NDUFAF6: variants seen among roughly 807,000 people sequenced by gnomAD.
NDUFAF6 encodes the protein NADH dehydrogenase (ubiquinone) complex I, assembly factor 6.
In NDUFAF6, 45 loss-of-function variants were observed where a neutral mutation model predicts 40.8. The observed-to-expected ratio is 1.10, with a 90% CI of 0.87 to 1.42. NDUFAF6 has a LOEUF of 1.42. Ranked by LOEUF, NDUFAF6 falls within the 40% of genes most tolerant of loss-of-function variation. The pLI, the probability that NDUFAF6 is intolerant of heterozygous loss-of-function variation, is 0.00. For synonymous variants in NDUFAF6, 185 were observed against 155.9 expected (o/e 1.19, Z -1.39); for missense variants, 435 against 418.5 (o/e 1.04, Z -0.34).
intron 2 of NDUFAF6, among the ~76,000 whole-genome samples, chr8:95,081,776 G>T (rs745532616): frequency 6.6e-6 from 1 of 152,194 alleles, no homozygotes; most frequent in Non-Finnish European, 1.5e-5. Flanking sequence ...AAGAACTCCT[G>T]TTGGGCCGGG....
At chr8:95,053,814 G>C (rs866670744) in intron 8 of NDUFAF6, among the ~76,000 whole-genome samples, 1 of 150,862 alleles carries the variant, frequency 6.6e-6, no homozygotes, top group South Asian at 2.1e-4. Context: ...TTTTAGTAGA[G>C]ACAGGTTTTG....
In NDUFAF6 at chr8:95,032,073, C is replaced by T; in HGVS notation, c.276C>T (p.Ala92=). ...GAAGCTCTGTTTTTGCACTGAGGGC[C>T]TTTAATGTGGAACTGGCTCAGGCTG... ...ESRSSVFALR[A]FNVELAQVKD... is the part of the protein sequence containing the mutation. Residue 92 remains alanine, a synonymous_variant, in exon 2 of 9, where the codon GCC becomes GCT. Coordinates refer to ENST00000396124, the MANE Select transcript of NDUFAF6 (RefSeq NM_152416.4). 6.2e-7 allele frequency: 1 copy of T among 1,614,070 alleles called. No individual in the cohort carries two copies. The highest frequency in any genetic ancestry group is 1.7e-5 in the Admixed American group (1 of 60,020).
intron 2 of NDUFAF6, among the ~76,000 whole-genome samples, chr8:94,993,252 AT>A (rs1277725130): frequency 1.3e-5 from 2 of 152,142 alleles, no homozygotes; most frequent in Admixed American, 1.3e-4. Flanking sequence ...TTTTAACCTA[AT>A]TACCTCTTCA....
intron 2 of NDUFAF6, among the ~76,000 whole-genome samples, chr8:94,985,324 A>G (rs752666137): frequency 6.6e-6 from 1 of 151,040 alleles, no homozygotes; most frequent in Non-Finnish European, 1.5e-5. Flanking sequence ...TGATGACATC[A>G]TTATGCCACT....
chr8:94,949,140 C>G (rs949121356), intron 2 of NDUFAF6: 9 of 149,188 alleles, frequency 6.0e-5, no homozygotes, highest in East Asian at 1.9e-4. Context: ...CGCCCGCCCC[C>G]CCCCGGCACT....
chr8:94,954,023 T>A (rs1433025024), upstream of NDUFAF6, among the ~76,000 whole-genome samples: 5 of 152,300 alleles, frequency 3.3e-5, no homozygotes, highest in East Asian at 9.6e-4. Flanking sequence ...TAGGCATTTA[T>A]TTCTCTTAAA....
rs1464032704 is a variant in NDUFAF6, at chr8:94,945,050, TATC to T, written c.-935-429_-935-427del. 2.0e-5 allele frequency among the ~76,000 whole-genome samples: 3 copies of T among 152,370 alleles called. No homozygotes were observed. In the East Asian group the frequency reaches 5.8e-4, roughly 29 times the overall value. The stretch of plus-strand genomic sequence containing the variant: ...ACATGAACACTTGAAATGTGACTAG[TATC>T]ATCGAGAAACTGCATTTTTCATTTT... On this transcript the variant is annotated intron_variant, in intron 1 of 14. Coordinates refer to the NDUFAF6 transcript ENST00000396113.
chr8:95,098,299 G>A (rs779341944), upstream of NDUFAF6, among the ~76,000 whole-genome samples: 2 of 152,206 alleles, frequency 1.3e-5, no homozygotes, highest in South Asian at 2.1e-4. Flanking sequence ...TTGGGAGGCC[G>A]AGGTGGGTGG....
chr8:95,011,443 T>C (rs1225093777), intron 2 of NDUFAF6, among the ~76,000 whole-genome samples: 1 of 152,172 alleles, frequency 6.6e-6, no homozygotes, highest in East Asian at 1.9e-4. Context: ...TCTGATAAAA[T>C]GGTTGTGGGA....
intron 1 of NDUFAF6, among the ~76,000 whole-genome samples, chr8:94,969,808 GA>G (rs955644765): frequency 1.3e-5 from 2 of 151,928 alleles, no homozygotes; most frequent in Non-Finnish European, 2.9e-5. Flanking sequence ...CTTTACAATG[GA>G]AAAAAACTCA....
downstream of NDUFAF6, among the ~76,000 whole-genome samples, chr8:95,118,479 A>G: frequency 6.6e-6 from 1 of 152,114 alleles, no homozygotes; most frequent in East Asian, 1.9e-4. Flanking sequence ...TGAGAAATAA[A>G]TTTTATGTGT....
intron 2 of NDUFAF6, among the ~76,000 whole-genome samples, chr8:94,985,467 T>TTTTATATATATATATA (rs1158887739): frequency 7.0e-5 from 2 of 28,598 alleles, no homozygotes; most frequent in Admixed American, 7.1e-4. Context: ...AAAACAATAA[T>TTTTATATATATATATA]TATATATATA....
chr8:94,985,947 C>T (rs1351760220), intron 2 of NDUFAF6, among the ~76,000 whole-genome samples: 1 of 151,058 alleles, frequency 6.6e-6, no homozygotes, highest in Non-Finnish European at 1.5e-5. Context: ...GATCTCGGCT[C>T]ACTGCAAGCT....
intron 2 of NDUFAF6, chr8:94,988,914 G>A (rs1236776597): frequency 6.6e-6 from 1 of 152,236 alleles, no homozygotes; most frequent in Non-Finnish European, 1.5e-5. Flanking sequence ...ATTATGCTAA[G>A]TGAAAGAAGC....
chr8:95,032,068 A>T lies in NDUFAF6; in HGVS notation c.271A>T (p.Arg91Trp). 6.2e-7 allele frequency: 1 copy of T among 1,614,154 alleles called. No homozygotes were observed. Among genetic ancestry groups the T allele is most frequent in the Non-Finnish European group, 8.5e-7 (1 of 1,180,014 alleles). Residue 91 changes from arginine (R) to tryptophan (W), a missense_variant, in exon 2 of 9, where the codon AGG becomes TGG. Physicochemically the swap from Arg to Trp is moderately radical, Grantham distance 101. Transcript: ENST00000396124. ...AESRSSVFAL[R>W]AFNVELAQVK... Reference sequence around the variant, plus strand: ...ATCCCGAAGCTCTGTTTTTGCACTGAGGGCCTTTAATGTGGAACTGGCTCA... The same window carrying T: ...ATCCCGAAGCTCTGTTTTTGCACTGTGGGCCTTTAATGTGGAACTGGCTCA...
chr8:95,001,546 A>G (rs115653541), intron 2 of NDUFAF6, among the ~76,000 whole-genome samples: 1,538 of 152,276 alleles, frequency 0.01, 28 homozygotes, highest in African/African-American at 0.035. Context: ...GCTTCCAGGT[A>G]ACTGAGGACA....
intron 2 of NDUFAF6, among the ~76,000 whole-genome samples, chr8:94,992,526 T>C (rs1458631144): frequency 6.6e-6 from 1 of 152,152 alleles, no homozygotes; most frequent in East Asian, 1.9e-4. Context: ...AGTTTACATA[T>C]AGGTCTATAT....
At chr8:94,990,051 TTCA>T (rs1826127153) in intron 2 of NDUFAF6, among the ~76,000 whole-genome samples, 3 of 152,140 alleles carry the variant, frequency 2.0e-5, no homozygotes, top group Non-Finnish European at 4.4e-5. Flanking sequence ...TGTAAAAAAC[TTCA>T]TCAGTATTGT....
chr8:95,070,314 TA>T lies in NDUFAF6; in HGVS notation c.*512-5316del, dbSNP rs546847688. On this transcript the variant is annotated intron_variant and NMD_transcript_variant, in intron 9 of 9. Transcript: ENST00000520757. ...TGAAGGTTAAGTTAGTTAATAATTG[TA>T]AAGTGCCGAAAATAGTGGCTGGCAC... Among the ~76,000 whole-genome samples the T allele has an allele frequency of 9.5e-4, 144 of 152,212 alleles. 1 individual carries two copies. Among genetic ancestry groups the T allele is most frequent in the Non-Finnish European group, 1.4e-3 (97 of 68,030 alleles).
Sources: gnomAD v4.1 joint callset for allele counts (sites outside exome capture counted in the v4.1 genomes callset) on GRCh38, gnomAD v4.1.1 for gene constraint, MANE v1.5 for transcripts, NCBI Gene and HGNC (gene_info 2026-07-23, HGNC 2026-07-21) for gene names.